Variants in TPGS1 observed in about 807,000 individuals in gnomAD.
The protein encoded by TPGS1 is tubulin polyglutamylase complex subunit 1, also known as gene trap ROSA b-geo 22.
TPGS1 carries 18 observed loss-of-function variants against 11.9 expected under a neutral mutation model. The ratio of observed to expected loss-of-function variants is 1.51; its 90% CI spans 1.04 to 2.24. The LOEUF is 2.24. TPGS1 is among the 30% of genes most tolerant of loss of function. The probability of loss-of-function intolerance (pLI) is 0.00; values close to 1 mark genes in which losing one functional copy is unlikely to be tolerated. For missense variants in TPGS1, 500 were observed against 443.0 expected (o/e 1.13, Z -1.16); for synonymous variants, 247 against 218.2 (o/e 1.13, Z -1.16).
rs1175615912 is a variant in TPGS1, at chr19:507,776, G to C, written c.270G>C (p.Gln90His). Residue 90 changes from glutamine (Q) to histidine (H), a missense_variant, in exon 1 of 2, where the codon CAG becomes CAC. Coordinates refer to ENST00000359315, the MANE Select transcript of TPGS1 (RefSeq NM_033513.3). ...VNGGAGEPPGQLLLQQQRLGR... is the reference protein window; with the variant it reads ...VNGGAGEPPGHLLLQQQRLGR... ...GCGGCGCCGGGGAGCCCCCGGGCCA[G>C]CTCCTGCTGCAGCAGCAGCGCCTGG... 1.4e-6 allele frequency: 2 copies of C among 1,392,050 alleles called. No individual in the cohort carries two copies. Among genetic ancestry groups the C allele is most frequent in the African/African-American group, 3.0e-5 (2 of 65,940 alleles). The allele number at this position is 1,392,050 out of a possible 1,614,324, so 86.2% of individuals were successfully genotyped here. A position where few individuals can be genotyped will look rare whatever the true frequency, so the allele number is the denominator to read the frequency against.
chr19:507,566 C>T lies in TPGS1; in HGVS notation c.60C>T (p.Ser20=), dbSNP rs1404632158. 3 of 1,392,590 alleles carry T rather than the reference C, an allele frequency of 2.2e-6. No individual in the cohort carries two copies. The highest frequency in any genetic ancestry group is 2.8e-6 in the Non-Finnish European group (3 of 1,069,308). The allele number at this position is 1,392,590 out of a possible 1,614,324, so 86.3% of individuals were successfully genotyped here. ...AVPPPAGFTD[S]GRQSVSRAAG... is the part of the protein sequence containing the mutation. ...CACCGCCGGCCGGTTTCACGGACAG[C>T]GGCCGCCAGTCGGTATCCCGGGCGG... The change falls in exon 1 of 2, where the codon AGC becomes AGT. Residue 20 remains serine, a synonymous_variant. Coordinates refer to ENST00000359315, the MANE Select transcript of TPGS1 (RefSeq NM_033513.3).
At chr19:518,553 G>A (rs540467272) in intron 1 of TPGS1, among the ~76,000 whole-genome samples, 2 of 102,128 alleles carry the variant, frequency 2.0e-5, no homozygotes, top group African/African-American at 4.1e-5. Context: ...GGAGGCCTGG[G>A]CTGGGAGGGG....
Position 519,318 on chromosome 19 carries a change from G to A in TPGS1, c.768G>A (p.Leu256=). Residue 256 remains leucine (L), a synonymous_variant, in exon 2 of 2, where the codon CTG becomes CTA. Transcript: ENST00000359315. ...RLGPDSLALA[L]DRAVGGRRPS... is the part of the protein sequence containing the mutation. ...GGCCCGACAGCCTGGCGCTGGCGCT[G>A]GACCGCGCCGTCGGGGGGCGGCGGC... 1 of 1,190,746 alleles carries A rather than the reference G, an allele frequency of 8.4e-7. No individual in the cohort carries two copies. The highest frequency in any genetic ancestry group is 1.0e-6 in the Non-Finnish European group (1 of 961,720). 73.8% of individuals were successfully genotyped at this position (1,190,746 alleles called of 1,614,324 possible).
intron 1 of TPGS1, chr19:508,821 G>A (rs996364486): frequency 6.6e-6 from 1 of 152,450 alleles, no homozygotes; most frequent in Non-Finnish European, 1.5e-5. Context: ...AGGGTGCACA[G>A]GTGTCCAAGA....
chr19:508,219 C>T (rs192582972), intron 1 of TPGS1: 1 of 195,208 alleles, frequency 5.1e-6, no homozygotes. Context: ...TCCTTAGCAG[C>T]CTCATGTTAT....
chr19:507,926 G>A (rs1978673702), intron 1 of TPGS1, 82 bp downstream of exon 1: 2 of 1,143,156 alleles, frequency 1.7e-6, no homozygotes, highest in Admixed American at 4.2e-5. Context: ...CCTACCCGCA[G>A]CGCCGGCGCA....
chr19:517,711 G>A (rs111220004), intron 1 of TPGS1, among the ~76,000 whole-genome samples: 1,852 of 31,032 alleles, frequency 0.06, 351 homozygotes, highest in Admixed American at 0.12. Flanking sequence ...CAGGCTGGGG[G>A]GTGCTGGGAG....
In TPGS1 at chr19:519,033, G is replaced by GC. The variant is rs1395514951; in HGVS notation, c.483_484insC (p.Ala162ArgfsTer11). ...ACGGCCAAGCCCCCGAGGAGGTGGTGGCGCCGCTGCTGCGCAAGGTGCAGT... is the reference window on the plus strand; with the variant it reads ...ACGGCCAAGCCCCCGAGGAGGTGGTGCGCGCCGCTGCTGCGCAAGGTGCAGT... On this transcript the variant is annotated frameshift_variant, in exon 2 of 2. Coordinates refer to ENST00000359315, the MANE Select transcript of TPGS1 (RefSeq NM_033513.3). LOFTEE classifies it high-confidence loss of function. The GC allele has an allele frequency of 6.4e-7, 1 of 1,555,042 alleles. No homozygotes were observed.
intron 1 of TPGS1, among the ~76,000 whole-genome samples, chr19:516,271 CA>C (rs1205975083): frequency 6.6e-6 from 1 of 152,056 alleles, no homozygotes; most frequent in Non-Finnish European, 1.5e-5. Context: ...GAGCCTCGAA[CA>C]AAGGGCTTTT....
At position 519,162 on chromosome 19, in the gene TPGS1, G is replaced by A; in HGVS notation, c.612G>A (p.Leu204=). ...FVARAGALFQ[L]LEDSAAAVAD... ...CGCGCGCCGGCGCGCTCTTCCAGCT[G>A]CTGGAGGACTCGGCCGCCGCCGTGG... The change falls in exon 2 of 2, where the codon CTG becomes CTA. Residue 204 remains leucine, a synonymous_variant. Coordinates refer to ENST00000359315, the MANE Select transcript of TPGS1 (RefSeq NM_033513.3). 2.7e-6 allele frequency: 4 copies of A among 1,506,772 alleles called. No individual in the cohort carries two copies. Among genetic ancestry groups the A allele is most frequent in the Non-Finnish European group, 3.5e-6 (4 of 1,135,280 alleles). 93.3% of individuals were successfully genotyped at this position (1,506,772 alleles called of 1,614,324 possible). A position where few individuals can be genotyped will look rare whatever the true frequency, so the allele number is the denominator to read the frequency against.
intron 1 of TPGS1, chr19:510,061 A>T (rs1978737917): frequency 6.6e-6 from 1 of 152,132 alleles, no homozygotes; most frequent in Admixed American, 6.5e-5. Context: ...CCCTGAGGTC[A>T]CCTGACCAGT....
chr19:512,868 G>A (rs1266456472), intron 1 of TPGS1, among the ~76,000 whole-genome samples: 2 of 152,206 alleles, frequency 1.3e-5, no homozygotes, highest in Admixed American at 6.5e-5. Context: ...TTGCTGGCTC[G>A]GCTGGGCAGC....
intron 1 of TPGS1, chr19:510,361 A>C (rs1978757559): frequency 6.6e-6 from 1 of 151,800 alleles, no homozygotes; most frequent in South Asian, 2.1e-4. Flanking sequence ...CGACAGAGCG[A>C]GACTCTGTCT....
At chr19:518,139 T>A (rs1396811193) in intron 1 of TPGS1, among the ~76,000 whole-genome samples, 2 of 20,900 alleles carry the variant, frequency 9.6e-5, no homozygotes, top group African/African-American at 2.1e-4. Context: ...CCAGGCTGGG[T>A]GGGAGCTGGG....
intron 1 of TPGS1, among the ~76,000 whole-genome samples, chr19:512,640 A>G (rs902383394): frequency 6.6e-6 from 1 of 150,970 alleles, no homozygotes; most frequent in Non-Finnish European, 1.5e-5. Flanking sequence ...CGGGGTGGAG[A>G]AGTGGCGGGT....
chr19:507,772 G>A lies in TPGS1; in HGVS notation c.266G>A (p.Gly89Asp), dbSNP rs879936251. The A allele has an allele frequency of 5.0e-6, 7 of 1,392,608 alleles. No individual in the cohort carries two copies. The Admixed American group carries it at 1.0e-4, about 21-fold the overall frequency. The allele number at this position is 1,392,608 out of a possible 1,614,324, so 86.3% of individuals were successfully genotyped here. Residue 89 changes from glycine to aspartate, a missense_variant, in exon 1 of 2, where the codon GGC becomes GAC. Gly to Asp is a moderately conservative substitution (Grantham distance 94). Coordinates refer to ENST00000359315, the MANE Select transcript of TPGS1 (RefSeq NM_033513.3). Reference sequence around the variant, plus strand: ...AACGGCGGCGCCGGGGAGCCCCCGGGCCAGCTCCTGCTGCAGCAGCAGCGC... The same window carrying A: ...AACGGCGGCGCCGGGGAGCCCCCGGACCAGCTCCTGCTGCAGCAGCAGCGC... ...PVNGGAGEPP[G>D]QLLLQQQRLG...
At chr19:517,215 G>A (rs1444046090) in intron 1 of TPGS1, among the ~76,000 whole-genome samples, 1 of 150,012 alleles carries the variant, frequency 6.7e-6, no homozygotes, top group Non-Finnish European at 1.5e-5. Context: ...TAGGGGTCAG[G>A]GGAGGCGACA....
chr19:517,007 G>A (rs190027287), intron 1 of TPGS1, among the ~76,000 whole-genome samples: 1,760 of 143,584 alleles, frequency 0.012, 16 homozygotes, highest in Middle Eastern at 0.035. Context: ...CCAGACAGAT[G>A]CCTGCCGTTG....
chr19:518,211 G>A (rs1377213702), intron 1 of TPGS1, among the ~76,000 whole-genome samples: 1 of 87,742 alleles, frequency 1.1e-5, no homozygotes. Flanking sequence ...GGTTGAGTAG[G>A]GGCTGGGAAG....
Sources: gnomAD v4.1 joint callset for allele counts (sites outside exome capture counted in the v4.1 genomes callset) on GRCh38, gnomAD v4.1.1 for gene constraint, MANE v1.5 for transcripts, NCBI Gene and HGNC (gene_info 2026-07-23, HGNC 2026-07-21) for gene names.